THTPA: variants seen among roughly 807,000 people sequenced by gnomAD.
The protein encoded by THTPA is thiamine triphosphatase.
In THTPA, 16 loss-of-function variants were observed where a neutral mutation model predicts 16.5. That is an observed-to-expected ratio of 0.97 (90% CI 0.66 to 1.47). The LOEUF (loss-of-function observed/expected upper bound fraction) is 1.47. Among genes scored for constraint, THTPA ranks in the 40% most tolerant of loss-of-function variants. THTPA has a pLI of 0.00. For synonymous variants in THTPA, 110 were observed against 115.5 expected (o/e 0.95, Z 0.30); for missense variants, 281 against 280.9 (o/e 1.00, Z 0.00).
chr14:23,556,028 G>A (rs1267721086), upstream of THTPA: 1 of 152,284 alleles, frequency 6.6e-6, no homozygotes, highest in Non-Finnish European at 1.5e-5. Context: ...CTCAGCCTCA[G>A]GCATGAGACC....
upstream of THTPA, among the ~76,000 whole-genome samples, chr14:23,554,888 TC>T (rs2138970290): frequency 6.6e-6 from 1 of 152,278 alleles, no homozygotes; most frequent in Non-Finnish European, 1.5e-5. Context: ...AGTTAGAGTC[TC>T]CAGATAACCA....
At chr14:23,534,202 A>T in the THTPA span, 1 of 1,487,668 alleles carries the variant, frequency 6.7e-7, no homozygotes, top group Non-Finnish European at 8.9e-7. This position sits in a 1 kb window ranked among gnomAD's most constrained non-coding sequence, Gnocchi z 4.5. Flanking sequence ...CCCCTCAGGG[A>T]ACCAATCTGG....
chr14:23,538,730 A>G, the THTPA span, among the ~76,000 whole-genome samples: 1 of 152,062 alleles, frequency 6.6e-6, no homozygotes, highest in African/African-American at 2.4e-5. Context: ...CAAGAGGAGG[A>G]AGGAGGAAGA....
At chr14:23,526,070 C>G in the THTPA span, 1 of 1,536,498 alleles carries the variant, frequency 6.5e-7, no homozygotes, top group Non-Finnish European at 8.7e-7. Context: ...CTCTTCTTGG[C>G]TGCGTTCTGG....
At chr14:23,525,054 T>A in the THTPA span, 40 of 1,536,016 alleles carry the variant, frequency 2.6e-5, no homozygotes, top group Non-Finnish European at 3.3e-5. This position sits in a 1 kb window ranked among gnomAD's most constrained non-coding sequence, Gnocchi z 5.9. Context: ...CCCAACAGAC[T>A]TGCGAGTCGC....
chr14:23,548,227 C>T, the THTPA span, among the ~76,000 whole-genome samples: 195 of 152,306 alleles, frequency 1.3e-3, 2 homozygotes, highest in African/African-American at 4.6e-3. Context: ...TCCAACCATC[C>T]TGACCTCAAT....
At chr14:23,528,758 A>T in the THTPA span, 1 of 985,202 alleles carries the variant, frequency 1.0e-6, no homozygotes, top group Non-Finnish European at 1.2e-6. Flanking sequence ...GCCCAGGAAA[A>T]TTCTGGCCCA....
At chr14:23,545,605 C>T in the THTPA span, among the ~76,000 whole-genome samples, 1 of 152,200 alleles carries the variant, frequency 6.6e-6, no homozygotes, top group Non-Finnish European at 1.5e-5. Context: ...ATTTCAAGTG[C>T]ACTTCTTTCC....
At chr14:23,554,729 A>T (rs946919384), upstream of THTPA, among the ~76,000 whole-genome samples, 17 of 151,486 alleles carry the variant, frequency 1.1e-4, 1 homozygote, top group African/African-American at 4.1e-4. Flanking sequence ...TCCCTATAAT[A>T]CCTCTCACTG....
chr14:23,527,040 A>G, the THTPA span: 1 of 1,442,844 alleles, frequency 6.9e-7, no homozygotes, highest in Non-Finnish European at 9.1e-7. Flanking sequence ...CTCCTGACCC[A>G]TCTGCCCTAC....
At chr14:23,545,342 C>T in the THTPA span, among the ~76,000 whole-genome samples, 4 of 152,338 alleles carry the variant, frequency 2.6e-5, no homozygotes, top group Admixed American at 6.5e-5. Context: ...ACCACTCGTC[C>T]GCCCTCCTCA....
chr14:23,524,051 G>T, the THTPA span: 18 of 1,514,864 alleles, frequency 1.2e-5, no homozygotes, highest in Non-Finnish European at 1.6e-5. The surrounding 1 kb of genome is among the most constrained non-coding windows in gnomAD (Gnocchi z 5.6). Context: ...GGGAAAAGCA[G>T]GTGCTTCCCT....
chr14:23,536,325 A>AT, the THTPA span, among the ~76,000 whole-genome samples: 1 of 152,174 alleles, frequency 6.6e-6, no homozygotes, highest in Non-Finnish European at 1.5e-5. Flanking sequence ...AGACCCTCAG[A>AT]TTTTCCATAC....
At chr14:23,534,649 C>T in the THTPA span, 1 of 1,536,086 alleles carries the variant, frequency 6.5e-7, no homozygotes, top group East Asian at 2.4e-5. This position sits in a 1 kb window ranked among gnomAD's most constrained non-coding sequence, Gnocchi z 4.5. Flanking sequence ...CCCGCTGTTC[C>T]CCATGGGGCC....
At chr14:23,527,726 C>T in the THTPA span, 17,813 of 1,536,184 alleles carry the variant, frequency 0.012, 690 homozygotes, top group African/African-American at 0.13. Flanking sequence ...TTGGGCTGCA[C>T]TGCATGCTGG....
At chr14:23,551,808 C>A (rs1288093192), upstream of THTPA, among the ~76,000 whole-genome samples, 1 of 152,138 alleles carries the variant, frequency 6.6e-6, no homozygotes, top group African/African-American at 2.4e-5. The surrounding 1 kb of genome is among the most constrained non-coding windows in gnomAD (Gnocchi z 5.3). Context: ...TGAGCAGGTG[C>A]AGCGACCCGC....
At chr14:23,550,599 G>A in the THTPA span, among the ~76,000 whole-genome samples, 1 of 152,160 alleles carries the variant, frequency 6.6e-6, no homozygotes, top group Non-Finnish European at 1.5e-5. Flanking sequence ...AGATCAGCGG[G>A]GCTACAGGCA....
chr14:23,517,696 GTGTT>G, the THTPA span, among the ~76,000 whole-genome samples: 59 of 152,094 alleles, frequency 3.9e-4, no homozygotes, highest in African/African-American at 9.2e-4. Flanking sequence ...GGGTGTGTGT[GTGTT>G]TGTTTGTTTG....
chr14:23,523,099 C>T, the THTPA span: 2 of 1,404,974 alleles, frequency 1.4e-6, no homozygotes, highest in East Asian at 5.2e-5. The surrounding 1 kb of genome is among the most constrained non-coding windows in gnomAD (Gnocchi z 4.1). Context: ...CAAAGGAAGG[C>T]CACAGGAGAT....
Sources: gnomAD v4.1 joint callset for allele counts (sites outside exome capture counted in the v4.1 genomes callset) on GRCh38, gnomAD v4.1.1 for gene constraint, Gnocchi (gnomAD v3.1) non-coding constraint, MANE v1.5 for transcripts, NCBI Gene and HGNC (gene_info 2026-07-23, HGNC 2026-07-21) for gene names.